The following NRXN3 variants were observed in gnomAD, a reference collection of about 807,000 sequenced individuals.
The protein encoded by NRXN3 is neurexin 3.
A neutral mutation model predicts 137.6 loss-of-function variants in NRXN3; 32 were observed. That is an observed-to-expected ratio of 0.23 (90% CI 0.18 to 0.31). NRXN3 has a LOEUF of 0.31. NRXN3 is among the 10% of genes least tolerant of loss of function. The pLI is 1.00. For missense variants in NRXN3, 1,574 were observed against 2,062.5 expected (o/e 0.76, Z 4.59); for synonymous variants, 798 against 784.5 (o/e 1.02, Z -0.29).
At chr14:78,299,883 C>T (rs1241646903) in intron 4 of NRXN3, among the ~76,000 whole-genome samples, 1 of 152,132 alleles carries the variant, frequency 6.6e-6, no homozygotes, top group Non-Finnish European at 1.5e-5. Context: ...AGAAAGGATG[C>T]AGAATTCTTC....
At chr14:78,666,157 G>C (rs2097884765) in intron 6 of NRXN3, among the ~76,000 whole-genome samples, 1 of 152,090 alleles carries the variant, frequency 6.6e-6, no homozygotes, top group Non-Finnish European at 1.5e-5. Context: ...ACAATTTTAA[G>C]GGCATGCTAC....
chr14:79,221,593 G>A (rs1021623946), intron 15 of NRXN3, among the ~76,000 whole-genome samples: 1 of 152,066 alleles, frequency 6.6e-6, no homozygotes, highest in African/African-American at 2.4e-5. Flanking sequence ...ACTTTGTGAT[G>A]GGGTTGTTTG....
intron 10 of NRXN3, among the ~76,000 whole-genome samples, chr14:78,929,414 G>A (rs2099315411): frequency 6.6e-6 from 1 of 152,054 alleles, no homozygotes; most frequent in African/African-American, 2.4e-5. Flanking sequence ...TTATTCATAT[G>A]TTCACATAAT....
At chr14:79,255,457 C>T (rs2076454064) in intron 15 of NRXN3, among the ~76,000 whole-genome samples, 1 of 152,158 alleles carries the variant, frequency 6.6e-6, no homozygotes, top group Admixed American at 6.5e-5. Flanking sequence ...GGTTCCAATC[C>T]TACCATTTAA....
chr14:78,619,423 C>T (rs1010818698), intron 4 of NRXN3, among the ~76,000 whole-genome samples: 2 of 151,998 alleles, frequency 1.3e-5, no homozygotes, highest in Non-Finnish European at 2.9e-5. Flanking sequence ...GGATAGAGCC[C>T]CCTTATGGGA....
At position 79,867,098 on chromosome 14, in the gene NRXN3, C is replaced by T. The variant is rs984712953; in HGVS notation, c.*5134C>T. The T allele has an allele frequency of 1.3e-5, 2 of 152,114 alleles. No individual in the cohort carries two copies. The highest frequency in any genetic ancestry group is 6.6e-5 in the Admixed American group (1 of 15,258). The allele number at this position is 152,114 out of a possible 1,614,324, so 9.4% of individuals were successfully genotyped here. ...GTGTTTATTACAAAGAAAACAGACCCGAAGAACTTAAATGACTTCTCCAAG... is the reference window on the plus strand; with the variant it reads ...GTGTTTATTACAAAGAAAACAGACCTGAAGAACTTAAATGACTTCTCCAAG... On this transcript the variant is annotated 3_prime_UTR_variant, in exon 21 of 21. Transcript: ENST00000335750.
chr14:79,427,486 CT>C (rs1262237753), intron 15 of NRXN3, among the ~76,000 whole-genome samples: 1 of 152,018 alleles, frequency 6.6e-6, no homozygotes, highest in Non-Finnish European at 1.5e-5. Flanking sequence ...CAAAATTGTT[CT>C]TCTTGAAAGA....
chr14:78,394,477 A>G (rs566087533), intron 4 of NRXN3, among the ~76,000 whole-genome samples: 62 of 151,882 alleles, frequency 4.1e-4, no homozygotes, highest in South Asian at 1.7e-3. Flanking sequence ...CTGTTTGCCA[A>G]TATTTTGTTA....
chr14:79,131,248 G>A (rs893578950), intron 15 of NRXN3, among the ~76,000 whole-genome samples: 1 of 152,108 alleles, frequency 6.6e-6, no homozygotes, highest in African/African-American at 2.4e-5. Context: ...GAGGAGGAGA[G>A]GTGCTCTGCT....
At chr14:79,318,881 C>A (rs181705213) in intron 15 of NRXN3, among the ~76,000 whole-genome samples, 20 of 152,296 alleles carry the variant, frequency 1.3e-4, no homozygotes, top group Non-Finnish European at 2.2e-4. Context: ...GCATTGGCTG[C>A]AGACTCTCTA....
intron 4 of NRXN3, among the ~76,000 whole-genome samples, chr14:78,385,328 C>T (rs1473671319): frequency 8.4e-6 from 1 of 119,482 alleles, no homozygotes; most frequent in African/African-American, 3.5e-5. Flanking sequence ...CACACACACA[C>T]ACACACGCAT....
chr14:79,636,199 C>G (rs2098402310), intron 16 of NRXN3, among the ~76,000 whole-genome samples: 1 of 152,146 alleles, frequency 6.6e-6, no homozygotes, highest in African/African-American at 2.4e-5. Context: ...TTTGCAAGTA[C>G]TAGGGATTAG....
At chr14:79,052,847 G>A (rs907542421) in intron 15 of NRXN3, among the ~76,000 whole-genome samples, 1 of 152,056 alleles carries the variant, frequency 6.6e-6, no homozygotes, top group East Asian at 1.9e-4. Flanking sequence ...TTTTTGCAAT[G>A]GCTCTCATAC....
chr14:78,886,130 C>T (rs1287726338), intron 10 of NRXN3, among the ~76,000 whole-genome samples: 2 of 152,114 alleles, frequency 1.3e-5, no homozygotes, highest in Non-Finnish European at 2.9e-5. Flanking sequence ...GTCTGGCTGG[C>T]ATTGCTTTGT....
rs569015251 is a variant in NRXN3, at chr14:78,510,319, A to ATAC, written c.758-134799_758-134798insCTA. Reference sequence around the variant, plus strand: ...TGAGGAAGCTATAATAATAATAATAATAACAATTAGTTAACATTACCAAAC... The same window carrying ATAC: ...TGAGGAAGCTATAATAATAATAATAATACTAACAATTAGTTAACATTACCAAAC... On this transcript the variant is annotated intron_variant, in intron 4 of 20. Transcript: ENST00000335750. Among the ~76,000 whole-genome samples the ATAC allele has an allele frequency of 3.2e-4, 49 of 152,234 alleles. 1 individual carries two copies. The South Asian group carries it at 0.01, about 32-fold the overall frequency.
At chr14:79,788,803 G>A (rs945065602) in intron 19 of NRXN3, among the ~76,000 whole-genome samples, 19 of 152,102 alleles carry the variant, frequency 1.2e-4, no homozygotes, top group African/African-American at 3.9e-4. Context: ...GATGCTAAAG[G>A]GAGCATTTTA....
intron 19 of NRXN3, among the ~76,000 whole-genome samples, chr14:79,754,529 T>TG (rs2099011545): frequency 1.2e-5 from 1 of 82,864 alleles, no homozygotes; most frequent in African/African-American, 8.3e-5. Flanking sequence ...TATATATATA[T>TG]ATATATATAT....
At chr14:78,366,582 A>G (rs553422344) in intron 4 of NRXN3, among the ~76,000 whole-genome samples, 32 of 152,328 alleles carry the variant, frequency 2.1e-4, no homozygotes, top group African/African-American at 7.5e-4. Flanking sequence ...CTGGGAAGAA[A>G]AAGAGTCTTA....
intron 16 of NRXN3, among the ~76,000 whole-genome samples, chr14:79,512,268 C>T (rs975079303): frequency 9.9e-5 from 15 of 152,140 alleles, no homozygotes; most frequent in African/African-American, 3.6e-4. Flanking sequence ...AGTGTGGAGT[C>T]TAGAATTTGA....
Sources: allele counts gnomAD v4.1 joint callset (sites outside exome capture counted in the v4.1 genomes callset), GRCh38; gene constraint gnomAD v4.1.1; transcripts MANE v1.5; gene names NCBI Gene and HGNC (gene_info 2026-07-23, HGNC 2026-07-21).